The following KDM4D variants were observed in gnomAD, a reference collection of about 807,000 sequenced individuals.
KDM4D encodes lysine demethylase 4D.
For synonymous variants in KDM4D, 254 were observed against 249.1 expected, an observed-to-expected ratio of 1.02 and a Z score of -0.19; for missense variants, 427 against 674.8, an observed-to-expected ratio of 0.63 and a Z score of 4.07.
chr11:94,974,098 C>T (rs1857774304), intron 1 of KDM4D, 30 bp downstream of exon 1: 1 of 152,184 alleles, frequency 6.6e-6, no homozygotes, highest in African/African-American at 2.4e-5. Flanking sequence ...ATTAACACTT[C>T]AAAGCAAAGG....
intron 1 of KDM4D, among the ~76,000 whole-genome samples, chr11:94,974,458 A>G (rs1221168687): frequency 6.6e-6 from 1 of 152,212 alleles, no homozygotes; most frequent in Non-Finnish European, 1.5e-5. Context: ...CAACTTCCCC[A>G]ACTTAGTTTA....
intron 2 of KDM4D, among the ~76,000 whole-genome samples, chr11:94,996,404 C>T (rs143649063): frequency 7.2e-5 from 11 of 152,324 alleles, no homozygotes; most frequent in Admixed American, 5.9e-4. Flanking sequence ...TGACTTCAAA[C>T]ATAGATTACT....
intron 2 of KDM4D, among the ~76,000 whole-genome samples, 197 bp downstream of exon 2, chr11:94,975,945 G>T (rs964150312): frequency 1.3e-5 from 2 of 152,116 alleles, no homozygotes; most frequent in East Asian, 3.8e-4. Flanking sequence ...GTTGCCAGTG[G>T]TGATAAATAG....
At chr11:94,976,494 C>T (rs1435531899) in intron 2 of KDM4D, among the ~76,000 whole-genome samples, 1 of 152,060 alleles carries the variant, frequency 6.6e-6, no homozygotes, top group Admixed American at 6.6e-5. Context: ...ATGAGGTGAC[C>T]CACACTCTCC....
intron 2 of KDM4D, among the ~76,000 whole-genome samples, chr11:94,996,811 A>G (rs1857979150): frequency 6.6e-6 from 1 of 152,220 alleles, no homozygotes; most frequent in African/African-American, 2.4e-5. Flanking sequence ...CTGTCCAAAT[A>G]GTTTTCCAAA....
chr11:94,977,208 A>G (rs1857804544), intron 2 of KDM4D, among the ~76,000 whole-genome samples: 1 of 152,248 alleles, frequency 6.6e-6, no homozygotes, highest in Admixed American at 6.5e-5. Context: ...AAAATGGATT[A>G]TCACATTACA....
intron 2 of KDM4D, among the ~76,000 whole-genome samples, chr11:94,979,973 G>C (rs587767083): frequency 6.6e-6 from 1 of 152,112 alleles, no homozygotes; most frequent in Non-Finnish European, 1.5e-5. Context: ...TAATTCACAT[G>C]TTAATTGTCC....
At position 94,998,859 on chromosome 11, in the gene KDM4D, C is replaced by A; in HGVS notation, c.1487C>A (p.Ala496Asp). Residue 496 changes from alanine (A) to aspartate (D), a missense_variant, in exon 3 of 3, where the codon GCT (alanine) becomes GAT (aspartate). Coordinates refer to ENST00000335080, the MANE Select transcript of KDM4D (RefSeq NM_018039.3). This position sits in a 1 kb window ranked among gnomAD's most constrained non-coding sequence, Gnocchi z 6.7. ...PEPEPLPEDG[A>D]LMDKPVPLSP... ...CCTGAGCCCCTACCTGAGGATGGGG[C>A]TTTGATGGACAAGCCTGTACCACTG... 6.5e-7 allele frequency: 1 copy of A among 1,549,662 alleles called. No homozygotes were observed. The highest frequency in any genetic ancestry group is 1.2e-5 in the South Asian group (1 of 80,512).
intron 2 of KDM4D, among the ~76,000 whole-genome samples, chr11:94,976,995 G>A (rs116873448): frequency 2.6e-4 from 40 of 152,096 alleles, no homozygotes; most frequent in African/African-American, 7.5e-4. Flanking sequence ...TTCTAGATTC[G>A]CAAATAAATT....
chr11:94,997,278 G>T lies in KDM4D; in HGVS notation c.-95G>T. On this transcript the variant is annotated 5_prime_UTR_variant, in exon 3 of 3. Coordinates refer to ENST00000335080, the MANE Select transcript of KDM4D (RefSeq NM_018039.3). Reference sequence around the variant, plus strand: ...CGCTGGTAGATCCTGCTACCTCATAGATAACACCAGTCAAATTTTTTTTTA... The same window carrying T: ...CGCTGGTAGATCCTGCTACCTCATATATAACACCAGTCAAATTTTTTTTTA... 4 of 944,374 alleles carry T rather than the reference G, an allele frequency of 4.2e-6. No homozygotes were observed. Among genetic ancestry groups the T allele is most frequent in the Non-Finnish European group, 6.2e-6 (4 of 648,070 alleles). The allele number at this position is 944,374 out of a possible 1,614,324, so 58.5% of individuals were successfully genotyped here.
At chr11:94,976,402 A>T (rs1056593950) in intron 2 of KDM4D, among the ~76,000 whole-genome samples, 3 of 152,126 alleles carry the variant, frequency 2.0e-5, no homozygotes, top group Non-Finnish European at 4.4e-5. Flanking sequence ...TTAAACAAGG[A>T]CTTCTCATCT....
intron 2 of KDM4D, among the ~76,000 whole-genome samples, chr11:94,977,122 A>G (rs868958523): frequency 4.1e-4 from 63 of 152,222 alleles, no homozygotes; most frequent in African/African-American, 1.5e-3. Context: ...CCATTCAGAA[A>G]AAGCAATTTC....
chr11:94,977,601 T>C (rs1857808459), intron 2 of KDM4D, among the ~76,000 whole-genome samples: 2 of 152,200 alleles, frequency 1.3e-5, no homozygotes, highest in South Asian at 2.1e-4. Flanking sequence ...TCTCCCTCTC[T>C]GTCCCCTAAC....
chr11:94,998,780 C>A lies in KDM4D; in HGVS notation c.1408C>A (p.Pro470Thr). The A allele has an allele frequency of 6.2e-7, 1 of 1,609,280 alleles. No homozygotes were observed. Among genetic ancestry groups the A allele is most frequent in the Non-Finnish European group, 8.5e-7 (1 of 1,176,356 alleles). ...AGCTCAGGAGCTGACCCTCCAGACTCCAGCCAAGAGGCCCCTCTTGGCGGG... is the reference window on the plus strand; with the variant it reads ...AGCTCAGGAGCTGACCCTCCAGACTACAGCCAAGAGGCCCCTCTTGGCGGG... The part of the protein sequence containing the change: ...LRAQELTLQT[P>T]AKRPLLAGTT... The change falls in exon 3 of 3, where the codon CCA becomes ACA. Residue 470 changes from proline (P) to threonine (T), a missense_variant. Pro to Thr is a conservative substitution (Grantham distance 38). Transcript: ENST00000335080. The surrounding 1 kb of genome is among the most constrained non-coding windows in gnomAD (Gnocchi z 6.7).
rs139947992 is a variant in KDM4D, at chr11:94,984,791, C to T, written c.-350+9043C>T. Among the ~76,000 whole-genome samples the T allele has an allele frequency of 1.0e-2, 1,511 of 151,644 alleles. 14 individuals carry two copies. Among genetic ancestry groups the T allele is most frequent in the South Asian group, 0.045 (213 of 4,774 alleles). On this transcript the variant is annotated intron_variant, in intron 2 of 2. Transcript: ENST00000335080. ...CTGAGGCAGGAGAATCACTTGAACC[C>T]GGGAGGTGGAGGTTGCAGTGATCCG... is the stretch of plus-strand genomic sequence containing the variant.
intron 2 of KDM4D, among the ~76,000 whole-genome samples, chr11:94,986,615 A>G (rs1857890170): frequency 6.6e-6 from 1 of 152,100 alleles, no homozygotes; most frequent in South Asian, 2.1e-4. Context: ...AAAATTAAAA[A>G]CCACAAAAAT....
intron 2 of KDM4D, among the ~76,000 whole-genome samples, chr11:94,991,770 C>T (rs782133991): frequency 1.4e-5 from 2 of 145,272 alleles, no homozygotes; most frequent in South Asian, 2.2e-4. Context: ...AATACACAGA[C>T]GAAAAGGAGT....
intron 2 of KDM4D, among the ~76,000 whole-genome samples, chr11:94,985,267 A>G (rs1555097998): frequency 6.6e-6 from 1 of 152,244 alleles, no homozygotes; most frequent in Non-Finnish European, 1.5e-5. Context: ...AGGTTGCAGG[A>G]TACAAGATCA....
In KDM4D at chr11:94,997,572, G is replaced by T. The variant is rs200840437; in HGVS notation, c.200G>T (p.Ser67Ile). Residue 67 changes from serine (S) to isoleucine (I), a missense_variant, in exon 3 of 3, where the codon AGT becomes ATT. Coordinates refer to ENST00000335080, the MANE Select transcript of KDM4D (RefSeq NM_018039.3). ...GCCAGAGAGACCTATGATAATATCA[G>T]TGAAATCTTAATAGCCACTCCCCTC... is the stretch of plus-strand genomic sequence containing the variant. ...WKARETYDNI[S>I]EILIATPLQQ... is the part of the protein sequence containing the mutation. The T allele has an allele frequency of 6.2e-7, 1 of 1,613,960 alleles. No individual in the cohort carries two copies. Among genetic ancestry groups the T allele is most frequent in the East Asian group, 2.2e-5 (1 of 44,884 alleles).
Sources: gnomAD v4.1 joint callset for allele counts (sites outside exome capture counted in the v4.1 genomes callset) on GRCh38, gnomAD v4.1.1 for gene constraint, Gnocchi (gnomAD v3.1) non-coding constraint, MANE v1.5 for transcripts, NCBI Gene and HGNC (gene_info 2026-07-23, HGNC 2026-07-21) for gene names.